Variants in ATP13A4 observed in about 807,000 individuals in gnomAD.
The protein encoded by ATP13A4 is ATPase 13A4.
In ATP13A4, 114 loss-of-function variants were observed where a neutral mutation model predicts 142.5. That is an observed-to-expected ratio of 0.80 (90% CI 0.69 to 0.93). The LOEUF (loss-of-function observed/expected upper bound fraction) is 0.93, where lower values mean the gene tolerates loss of function less well. ATP13A4 is among the 40% of genes least tolerant of loss of function. ATP13A4 has a pLI of 0.00. For synonymous variants in ATP13A4, 488 were observed against 514.8 expected, an observed-to-expected ratio of 0.95 and a Z score of 0.70; for missense variants, 1,392 against 1,454.0, an observed-to-expected ratio of 0.96 and a Z score of 0.69.
intron 7 of ATP13A4, among the ~76,000 whole-genome samples, chr3:193,486,612 G>C (rs1719636404): frequency 6.6e-6 from 1 of 152,188 alleles, no homozygotes; most frequent in Non-Finnish European, 1.5e-5. Flanking sequence ...AAGAGTTCTT[G>C]AGTTTTATGT....
rs1560291055 is a variant in ATP13A4, at chr3:193,582,719, T to TTACATATATAAAATATATATGTATAA, written n.92-839_92-814dup. 4.6e-4 allele frequency among the ~76,000 whole-genome samples: 21 copies of TTACATATATAAAATATATATGTATAA among 45,998 alleles called. 5 individuals carry two copies. Among genetic ancestry groups the TTACATATATAAAATATATATGTATAA allele is most frequent in the Middle Eastern group, 9.8e-3 (1 of 102 alleles). 30.2% of individuals were successfully genotyped at this position (45,998 alleles called of 152,430 possible). Reference sequence around the variant, plus strand: ...ATAACATATATAATATATATGTATATTACATATATAAAATATATATGTATA... The same window carrying TTACATATATAAAATATATATGTATAA: ...ATAACATATATAATATATATGTATATTACATATATAAAATATATATGTATAATACATATATAAAATATATATGTATA... On this transcript the variant is annotated intron_variant and non_coding_transcript_variant, in intron 1 of 3. Transcript: ENST00000489140.
At chr3:193,531,332 A>AAGAGAGGAAGGAAGGAAGAG (rs756724048) in intron 1 of ATP13A4, among the ~76,000 whole-genome samples, 2,143 of 82,620 alleles carry the variant, frequency 0.026, 85 homozygotes, top group East Asian at 0.032. Context: ...GGAAGGAAGG[A>AAGAGAGGAAGGAAGGAAGAG]AGGAAGGGAG....
chr3:193,457,453 A>G lies in ATP13A4; in HGVS notation c.1687T>C (p.Ser563Pro), dbSNP rs1717694920. 1 of 1,614,002 alleles carries G rather than the reference A, an allele frequency of 6.2e-7. No homozygotes were observed. Among genetic ancestry groups the G allele is most frequent in the East Asian group, 2.2e-5 (1 of 44,876 alleles). ...FEATTWEMAF[S>P]GDDFHIKGVP... ...CCCTTGATGTGGAAATCGTCCCCAG[A>G]AAAAGCCATTTCCTATTTCACAAAT... Residue 563 changes from serine (S) to proline (P), a missense_variant, in exon 15 of 30, where the codon TCT becomes CCT. Coordinates refer to ENST00000342695, the MANE Select transcript of ATP13A4 (RefSeq NM_032279.4).
chr3:193,556,173 AGAT>A (rs1723881081), upstream of ATP13A4, among the ~76,000 whole-genome samples: 1 of 152,172 alleles, frequency 6.6e-6, no homozygotes, highest in African/African-American at 2.4e-5. Context: ...TGTAACATAA[AGAT>A]GATGATAATA....
At chr3:193,555,052 G>A, upstream of ATP13A4, 2 of 868,082 alleles carry the variant, frequency 2.3e-6, no homozygotes, top group Non-Finnish European at 3.3e-6. Context: ...TCTCAGAGCA[G>A]CTGTCTCAAA....
chr3:193,437,626 T>C (rs1354386908), intron 23 of ATP13A4, among the ~76,000 whole-genome samples: 1 of 152,112 alleles, frequency 6.6e-6, no homozygotes, highest in African/African-American at 2.4e-5. Flanking sequence ...TTCCTGCATC[T>C]CCAGGCTGTT....
At chr3:193,438,931 G>A in intron 22 of ATP13A4, 92 bp downstream of exon 22, 1 of 1,319,920 alleles carries the variant, frequency 7.6e-7, no homozygotes. Flanking sequence ...AAATGAATGT[G>A]AGATTATGAC....
chr3:193,503,478 G>T (rs527886961), intron 2 of ATP13A4, among the ~76,000 whole-genome samples: 10 of 152,292 alleles, frequency 6.6e-5, no homozygotes, highest in East Asian at 5.8e-4. Context: ...AACCCACTCA[G>T]ATGACTGACA....
intron 1 of ATP13A4, among the ~76,000 whole-genome samples, chr3:193,515,596 CT>C (rs35189094): frequency 0.14 from 21,799 of 152,176 alleles, 1,674 homozygotes; most frequent in Non-Finnish European, 0.17. Context: ...TCATCTCATT[CT>C]ACTGAGCACC....
At chr3:193,591,145 C>T (rs1474540926) in intron 1 of ATP13A4, among the ~76,000 whole-genome samples, 1 of 152,212 alleles carries the variant, frequency 6.6e-6, no homozygotes. Context: ...CTCACTGCAA[C>T]CTCTGCCTCC....
At chr3:193,527,481 A>T (rs1022174068) in intron 1 of ATP13A4, among the ~76,000 whole-genome samples, 3 of 151,984 alleles carry the variant, frequency 2.0e-5, no homozygotes, top group Middle Eastern at 6.3e-3. Flanking sequence ...GCATGGTGAC[A>T]TGTGCCTGTA....
Position 193,465,987 on chromosome 3 carries a change from G to A in ATP13A4, c.1272+38C>T, listed in dbSNP as rs144150678. 1.9e-6 allele frequency: 3 copies of A among 1,607,488 alleles called. No individual in the cohort carries two copies. In the Admixed American group the frequency reaches 5.0e-5, roughly 27 times the overall value. Reference sequence around the variant, plus strand: ...CACAGTACAAAATATACAGAGATGAGTGTGTGTGCATTTAATAAAAGAGCA... The same window carrying A: ...CACAGTACAAAATATACAGAGATGAATGTGTGTGCATTTAATAAAAGAGCA... On this transcript the variant is annotated intron_variant, in intron 11 of 29. Transcript: ENST00000342695.
At chr3:193,435,559 A>T in intron 24 of ATP13A4, 89 bp downstream of exon 24, 1 of 1,023,192 alleles carries the variant, frequency 9.8e-7, no homozygotes, top group Non-Finnish European at 1.6e-6. Flanking sequence ...TCCTATTTGT[A>T]CTCTTTCTTT....
Position 193,441,181 on chromosome 3 carries a change from G to A in ATP13A4, c.2439+285C>T, listed in dbSNP as rs1463771125. On this transcript the variant is annotated intron_variant, in intron 20 of 29. Transcript: ENST00000342695. ...ACTATACTCTGAGACCCCTTACCATGGCAATATAGTGACAGCCACCCAAAA... is the reference window on the plus strand; with the variant it reads ...ACTATACTCTGAGACCCCTTACCATAGCAATATAGTGACAGCCACCCAAAA... 5.7e-4 allele frequency among the ~76,000 whole-genome samples: 87 copies of A among 152,042 alleles called. 1 individual carries two copies. The highest frequency in any genetic ancestry group is 1.2e-4 in the Non-Finnish European group (8 of 68,008).
intron 17 of ATP13A4, among the ~76,000 whole-genome samples, chr3:193,452,928 T>C (rs1717368857): frequency 1.3e-5 from 2 of 152,060 alleles, no homozygotes; most frequent in Non-Finnish European, 2.9e-5. Flanking sequence ...ACCTGTACTA[T>C]ATAAATTGGG....
rs956024624 is a variant in ATP13A4, at chr3:193,465,041, T to C, written c.1360A>G (p.Ile454Val). The C allele has an allele frequency of 3.1e-6, 5 of 1,614,156 alleles. No individual in the cohort carries two copies. The highest frequency in any genetic ancestry group is 1.1e-5 in the South Asian group (1 of 91,074). The change falls in exon 12 of 30, where the codon ATT (isoleucine) becomes GTT (valine). Residue 454 changes from isoleucine to valine, a missense_variant. Transcript: ENST00000342695. ...PALPAALTTG[I>V]IYAQRRLKKR... ...TTCAGCCTCCTCTGGGCATAGATAA[T>C]GCCTGTGGTCAGAGCAGCAGGTAGA...
At chr3:193,431,294 A>G (rs1010665244) in intron 25 of ATP13A4, among the ~76,000 whole-genome samples, 6 of 132,082 alleles carry the variant, frequency 4.5e-5, no homozygotes, top group African/African-American at 7.9e-5. Flanking sequence ...ATCTGGGGGA[A>G]TTAAGAGTTC....
intron 25 of ATP13A4, among the ~76,000 whole-genome samples, chr3:193,430,557 C>T (rs1004512692): frequency 1.3e-5 from 2 of 152,096 alleles, no homozygotes; most frequent in African/African-American, 2.4e-5. Context: ...TTAAAGTGAT[C>T]TTTCTGAAGA....
At chr3:193,429,613 G>C (rs1715862497) in intron 25 of ATP13A4, among the ~76,000 whole-genome samples, 1 of 151,980 alleles carries the variant, frequency 6.6e-6, no homozygotes, top group African/African-American at 2.4e-5. Context: ...TTAACCATGG[G>C]TTGGAGGGAG....
Sources: gnomAD v4.1 joint callset for allele counts (sites outside exome capture counted in the v4.1 genomes callset) on GRCh38, gnomAD v4.1.1 for gene constraint, MANE v1.5 for transcripts, NCBI Gene and HGNC (gene_info 2026-07-23, HGNC 2026-07-21) for gene names.